SLC39A8: variants seen among roughly 807,000 people sequenced by gnomAD.
SLC39A8 encodes solute carrier family 39 member 8.
Under a neutral mutation model 40.4 loss-of-function variants are expected in SLC39A8, and 15 were observed. The observed-to-expected ratio is 0.37, with a 90% CI of 0.25 to 0.57. SLC39A8 has a LOEUF of 0.57. Among genes scored for constraint, SLC39A8 ranks in the 20% least tolerant of loss-of-function variants. SLC39A8 has a pLI of 0.75. For missense variants in SLC39A8, 472 were observed against 558.8 expected, an observed-to-expected ratio of 0.84 and a Z score of 1.57; for synonymous variants, 223 against 221.6, an observed-to-expected ratio of 1.01 and a Z score of -0.06.
chr4:102,320,179 A>ATATATG (rs1553916630), intron 2 of SLC39A8, among the ~76,000 whole-genome samples: 50 of 99,772 alleles, frequency 5.0e-4, no homozygotes, highest in African/African-American at 1.5e-3. Flanking sequence ...ATATATATAT[A>ATATATG]TATATATATA....
intron 2 of SLC39A8, among the ~76,000 whole-genome samples, chr4:102,333,455 A>G (rs886544568): frequency 2.6e-5 from 4 of 152,200 alleles, no homozygotes; most frequent in African/African-American, 7.2e-5. Context: ...TATTATGACA[A>G]GACTTATGTG....
At chr4:102,257,447 G>A (rs1731733493), downstream of SLC39A8, among the ~76,000 whole-genome samples, 1 of 152,206 alleles carries the variant, frequency 6.6e-6, no homozygotes, top group Admixed American at 6.5e-5. Flanking sequence ...CACAGATATT[G>A]TAAGAAGCTT....
intron 2 of SLC39A8, among the ~76,000 whole-genome samples, chr4:102,332,273 A>G (rs558007609): frequency 5.1e-4 from 78 of 152,350 alleles, no homozygotes; most frequent in African/African-American, 1.8e-3. Context: ...CCATCTGACA[A>G]AGGGCTAATA....
chr4:102,331,053 C>T (rs1384532613), intron 2 of SLC39A8, among the ~76,000 whole-genome samples: 4 of 152,096 alleles, frequency 2.6e-5, no homozygotes, highest in African/African-American at 9.7e-5. Context: ...TTATGACAAG[C>T]CCACAGCCAA....
intron 2 of SLC39A8, among the ~76,000 whole-genome samples, chr4:102,326,959 C>CA (rs1395735084): frequency 2.0e-5 from 3 of 151,900 alleles, no homozygotes; most frequent in East Asian, 1.9e-4. Context: ...ACACACATAC[C>CA]AAAAAAACAA....
Position 102,304,378 on chromosome 4 carries a change from G to T in SLC39A8, c.779C>A (p.Pro260His), listed in dbSNP as rs768692412. The T allele has an allele frequency of 4.3e-6, 7 of 1,611,366 alleles. No homozygotes were observed. In the South Asian group the frequency reaches 7.7e-5, roughly 18 times the overall value. ...ATGTCCATTAGCTTCTGTGACAGCA[G>T]GATTTGCATAGCATGTCACACCATT... ...AINGVTCYAN[P>H]AVTEANGHIH... The change falls in exon 6 of 9, where the codon CCT becomes CAT. Residue 260 changes from proline (P) to histidine (H), a missense_variant. Pro to His is a moderately conservative substitution (Grantham distance 77, BLOSUM62 -2). Transcript: ENST00000356736.
chr4:102,326,122 C>A (rs1415798728), intron 2 of SLC39A8, among the ~76,000 whole-genome samples: 2 of 152,174 alleles, frequency 1.3e-5, no homozygotes, highest in African/African-American at 4.8e-5. Context: ...GCTAGGGAAT[C>A]CCATGGGCAT....
In SLC39A8 at chr4:102,303,057, A is replaced by G. The variant is rs141978356; in HGVS notation, c.840+1260T>C. 8.3e-3 allele frequency among the ~76,000 whole-genome samples: 1,255 copies of G among 152,100 alleles called. 9 individuals carry two copies. Among genetic ancestry groups the G allele is most frequent in the Non-Finnish European group, 0.014 (943 of 67,924 alleles). ...CCAGAAGGAAACTCAGGTATTTGCC[A>G]TAATAATCTCTTCCAGATTGCTCTA... On this transcript the variant is annotated intron_variant, in intron 6 of 8. Transcript: ENST00000356736.
chr4:102,327,996 G>A (rs78177294), intron 2 of SLC39A8, among the ~76,000 whole-genome samples: 5,458 of 152,092 alleles, frequency 0.036, 135 homozygotes, highest in Admixed American at 0.052. Flanking sequence ...CTAAGTTGCC[G>A]TAAAGAATAT....
At chr4:102,307,003 T>A (rs1734203334) in intron 4 of SLC39A8, among the ~76,000 whole-genome samples, 1 of 152,102 alleles carries the variant, frequency 6.6e-6, no homozygotes, top group Non-Finnish European at 1.5e-5. Flanking sequence ...ATAACTGTAG[T>A]AAATATATGA....
chr4:102,285,101 A>G (rs1488864162), intron 6 of SLC39A8, among the ~76,000 whole-genome samples: 5 of 152,184 alleles, frequency 3.3e-5, no homozygotes, highest in Admixed American at 1.3e-4. Context: ...CAGTAAAATA[A>G]AGTCTGTTCT....
chr4:102,261,701 A>T lies in SLC39A8; in HGVS notation c.*1343T>A, dbSNP rs1731867347. On this transcript the variant is annotated 3_prime_UTR_variant, in exon 9 of 9. Coordinates refer to ENST00000356736, the MANE Select transcript of SLC39A8 (RefSeq NM_001135146.2). Reference sequence around the variant, plus strand: ...AGGGTGTTTACTATTTGGCCAAACAATATTTTTTAATTGTCAGTCATAAAG... The same window carrying T: ...AGGGTGTTTACTATTTGGCCAAACATTATTTTTTAATTGTCAGTCATAAAG... 1 of 982,578 alleles carries T rather than the reference A, an allele frequency of 1.0e-6. No homozygotes were observed. Among genetic ancestry groups the T allele is most frequent in the Non-Finnish European group, 1.2e-6 (1 of 826,802 alleles). 60.9% of individuals were successfully genotyped at this position (982,578 alleles called of 1,614,324 possible).
At chr4:102,337,263 T>C (rs530605788) in intron 2 of SLC39A8, among the ~76,000 whole-genome samples, 10 of 151,124 alleles carry the variant, frequency 6.6e-5, no homozygotes, top group South Asian at 2.1e-4. Context: ...CAAAAGTATA[T>C]TAAATTTAAA....
chr4:102,297,882 C>A (rs188655839), intron 6 of SLC39A8, among the ~76,000 whole-genome samples: 1 of 152,118 alleles, frequency 6.6e-6, no homozygotes, highest in East Asian at 1.9e-4. Flanking sequence ...TTAAGCCCTG[C>A]ACTCCAGCCT....
At chr4:102,278,432 C>T (rs1732719359) in intron 6 of SLC39A8, among the ~76,000 whole-genome samples, 1 of 152,162 alleles carries the variant, frequency 6.6e-6, no homozygotes, top group Admixed American at 6.5e-5. Context: ...ATCAAAACCA[C>T]AATAAGATAC....
intron 6 of SLC39A8, among the ~76,000 whole-genome samples, chr4:102,300,969 A>C (rs1733900319): frequency 6.6e-6 from 1 of 151,954 alleles, no homozygotes; most frequent in Non-Finnish European, 1.5e-5. Context: ...TTAAATGTCT[A>C]TTTATTTGAG....
chr4:102,335,931 T>C (rs1735649312), intron 2 of SLC39A8, among the ~76,000 whole-genome samples: 1 of 152,138 alleles, frequency 6.6e-6, no homozygotes, highest in African/African-American at 2.4e-5. Flanking sequence ...TGACAGACGC[T>C]TGGGTGTTCA....
At chr4:102,336,147 G>A (rs1054416046) in intron 2 of SLC39A8, among the ~76,000 whole-genome samples, 3 of 152,136 alleles carry the variant, frequency 2.0e-5, no homozygotes, top group Non-Finnish European at 2.9e-5. Context: ...GAGTTGGCAC[G>A]TATAACATAC....
intron 2 of SLC39A8, among the ~76,000 whole-genome samples, chr4:102,319,906 G>A (rs1734833017): frequency 6.6e-6 from 1 of 151,872 alleles, no homozygotes; most frequent in Non-Finnish European, 1.5e-5. Context: ...CCCATTGAAG[G>A]TCTGAACAGA....
Sources: allele counts gnomAD v4.1 joint callset (sites outside exome capture counted in the v4.1 genomes callset), GRCh38; gene constraint gnomAD v4.1.1; transcripts MANE v1.5; gene names NCBI Gene and HGNC (gene_info 2026-07-23, HGNC 2026-07-21).